Variants in NAA60 observed in about 807,000 individuals in gnomAD.
NAA60 encodes N-alpha-acetyltransferase 60.
NAA60 carries 8 observed loss-of-function variants against 26.1 expected under a neutral mutation model. That is an observed-to-expected ratio of 0.31 (90% CI 0.18 to 0.55). NAA60 has a LOEUF of 0.55. NAA60 is among the 20% of genes least tolerant of loss of function. NAA60 has a pLI of 0.93. For synonymous variants in NAA60, 131 were observed against 122.5 expected, an observed-to-expected ratio of 1.07 and a Z score of -0.46; for missense variants, 290 against 311.3, an observed-to-expected ratio of 0.93 and a Z score of 0.51.
At chr16:3,453,408 T>G (rs2034860393) in intron 2 of NAA60, among the ~76,000 whole-genome samples, 1 of 151,194 alleles carries the variant, frequency 6.6e-6, no homozygotes, top group Non-Finnish European at 1.5e-5. Context: ...AATGAAATCA[T>G]GAAAAAAAAT....
chr16:3,481,758 C>A (rs577330604), intron 4 of NAA60, among the ~76,000 whole-genome samples: 2 of 152,302 alleles, frequency 1.3e-5, no homozygotes, highest in East Asian at 3.9e-4. Flanking sequence ...GTGATAAGGA[C>A]GCCTTCCTCC....
intron 2 of NAA60, among the ~76,000 whole-genome samples, chr16:3,470,725 C>G (rs979601567): frequency 2.6e-5 from 4 of 152,248 alleles, no homozygotes; most frequent in African/African-American, 7.2e-5. Context: ...TCAGCATGAA[C>G]CCCTGACTCT....
chr16:3,449,958 CT>C (rs538513349), intron 2 of NAA60: 9 of 397,402 alleles, frequency 2.3e-5, no homozygotes, highest in Non-Finnish European at 3.1e-5. Flanking sequence ...CATTAAACCT[CT>C]TTTTTTTGTA....
At chr16:3,450,856 T>C (rs1292371039) in intron 2 of NAA60, among the ~76,000 whole-genome samples, 2 of 152,200 alleles carry the variant, frequency 1.3e-5, no homozygotes, top group Non-Finnish European at 2.9e-5. Flanking sequence ...CTGCATGGTA[T>C]AGAAGCCTTG....
At chr16:3,448,933 G>C (rs2034661582) in intron 2 of NAA60, 1 of 166,764 alleles carries the variant, frequency 6.0e-6, no homozygotes, top group African/African-American at 2.4e-5. Flanking sequence ...GTAGCCACGT[G>C]GTGGTCATCC....
intron 2 of NAA60, among the ~76,000 whole-genome samples, chr16:3,452,072 G>T (rs919625973): frequency 6.6e-6 from 1 of 152,048 alleles, no homozygotes; most frequent in African/African-American, 2.4e-5. Flanking sequence ...AATTAGCCAG[G>T]TATGGTGGCG....
chr16:3,475,546 C>T (rs1162391631), intron 2 of NAA60, among the ~76,000 whole-genome samples: 1 of 152,210 alleles, frequency 6.6e-6, no homozygotes, highest in Non-Finnish European at 1.5e-5. Flanking sequence ...AGGGGGGCTG[C>T]TCCTCCCGCC....
At chr16:3,470,863 T>A (rs2036089377) in intron 2 of NAA60, among the ~76,000 whole-genome samples, 1 of 152,216 alleles carries the variant, frequency 6.6e-6, no homozygotes, top group Admixed American at 6.5e-5. Flanking sequence ...GAGTCTCTGT[T>A]TCGTGCACCT....
Position 3,469,888 on chromosome 16 carries a change from A to G in NAA60, c.-6-6334A>G, listed in dbSNP as rs533523786. Among the ~76,000 whole-genome samples the G allele has an allele frequency of 1.3e-4, 20 of 152,336 alleles. 1 individual carries two copies. The highest frequency in any genetic ancestry group is 4.3e-4 in the African/African-American group (18 of 41,580). ...CAGGGCTCCATGCCTCTGAGCCCTCAGGCACTGCATCATGCTGGGCCTCAG... is the reference window on the plus strand; with the variant it reads ...CAGGGCTCCATGCCTCTGAGCCCTCGGGCACTGCATCATGCTGGGCCTCAG... On this transcript the variant is annotated intron_variant, in intron 2 of 7. Coordinates refer to ENST00000407558, the MANE Select transcript of NAA60 (RefSeq NM_001083601.3).
chr16:3,448,322 A>G (rs891836354), intron 1 of NAA60, 149 bp from the exon 2 acceptor site: 1 of 535,704 alleles, frequency 1.9e-6, no homozygotes, highest in Non-Finnish European at 3.2e-6. Flanking sequence ...TTAGAGAACT[A>G]CATGTTTAGA....
intron 2 of NAA60, chr16:3,458,288 G>A (rs2035123049): frequency 5.6e-6 from 4 of 709,040 alleles, no homozygotes; most frequent in Non-Finnish European, 6.9e-6. Flanking sequence ...AGCGCCCACC[G>A]GGTACGAGCG....
chr16:3,484,977 G>A lies in NAA60; in HGVS notation c.*122G>A, dbSNP rs943124833. 25 of 1,528,664 alleles carry A rather than the reference G, an allele frequency of 1.6e-5. No homozygotes were observed. In the East Asian group the frequency reaches 3.4e-4, roughly 21 times the overall value. 94.7% of individuals were successfully genotyped at this position (1,528,664 alleles called of 1,614,324 possible). A position where few individuals can be genotyped will look rare whatever the true frequency, so the allele number is the denominator to read the frequency against. On this transcript the variant is annotated 3_prime_UTR_variant, in exon 7 of 8. Transcript: ENST00000407558. ...GCCAGCCATCTAACTGGGCTCGTCG[G>A]CCTGCCCCAGCTGCAGGCCCGGTGC...
chr16:3,474,650 G>T (rs1161708543), intron 2 of NAA60, among the ~76,000 whole-genome samples: 4 of 152,238 alleles, frequency 2.6e-5, no homozygotes, highest in African/African-American at 7.2e-5. Context: ...GATAAAAGAC[G>T]AGGTCTTTCC....
chr16:3,475,374 G>T (rs994105294), intron 2 of NAA60, among the ~76,000 whole-genome samples: 3 of 151,964 alleles, frequency 2.0e-5, no homozygotes, highest in Admixed American at 2.0e-4. Context: ...ACAGGCGTGA[G>T]CCATCACACC....
chr16:3,458,747 T>TA (rs1406780637), intron 2 of NAA60, among the ~76,000 whole-genome samples: 9 of 152,294 alleles, frequency 5.9e-5, no homozygotes, highest in Non-Finnish European at 1.3e-4. Flanking sequence ...CTTTCGTTGT[T>TA]AAGACAAATT....
chr16:3,457,348 G>C (rs756683615), intron 2 of NAA60, among the ~76,000 whole-genome samples: 12 of 152,186 alleles, frequency 7.9e-5, no homozygotes, highest in Non-Finnish European at 1.8e-4. Context: ...CACACCTGTA[G>C]TCTCGGCTAC....
At chr16:3,444,349 A>G (rs187266265) in intron 1 of NAA60, among the ~76,000 whole-genome samples, 1 of 152,308 alleles carries the variant, frequency 6.6e-6, no homozygotes, top group African/African-American at 2.4e-5. Flanking sequence ...CCTCAGCTGC[A>G]AACAGCTCAG....
chr16:3,484,033 C>T (rs1411924531), intron 6 of NAA60, among the ~76,000 whole-genome samples: 1 of 152,168 alleles, frequency 6.6e-6, no homozygotes. Flanking sequence ...TACTTGGGTT[C>T]AAACCTTCCT....
At chr16:3,471,294 G>C (rs1482518690) in intron 2 of NAA60, among the ~76,000 whole-genome samples, 1 of 152,122 alleles carries the variant, frequency 6.6e-6, no homozygotes, top group Non-Finnish European at 1.5e-5. Context: ...GAGGTCAGGA[G>C]ATCGAGACCA....
Sources: allele counts gnomAD v4.1 joint callset (sites outside exome capture counted in the v4.1 genomes callset), GRCh38; gene constraint gnomAD v4.1.1; transcripts MANE v1.5; gene names NCBI Gene and HGNC (gene_info 2026-07-23, HGNC 2026-07-21).